DMD: variants seen among roughly 807,000 people sequenced by gnomAD.
The protein encoded by DMD is dystrophin.
In DMD, 63 loss-of-function variants were observed where a neutral mutation model predicts 330.1. That is an observed-to-expected ratio of 0.19 (90% confidence interval 0.16 to 0.24). DMD has a LOEUF of 0.24. Among genes scored for constraint, DMD ranks in the 10% least tolerant of loss-of-function variants. The pLI, the probability that DMD is intolerant of heterozygous loss-of-function variation, is 1.00. For missense variants in DMD, 3,344 were observed against 2,684.1 expected (o/e 1.25, Z -5.43); for synonymous variants, 1,223 against 959.8 (o/e 1.27, Z -5.07).
chrX:32,028,574 T>C (rs756440349), intron 44 of DMD, among the ~76,000 whole-genome samples: 4 of 111,853 alleles, frequency 3.6e-5, no homozygotes, highest in African/African-American at 1.3e-4. Context: ...CTAAATTCCC[T>C]TAAGAAGGAA....
chrX:31,715,413 C>T (rs1408018427), intron 52 of DMD, among the ~76,000 whole-genome samples: 1 of 104,300 alleles, frequency 9.6e-6, no homozygotes, highest in African/African-American at 3.5e-5. Context: ...CATGGTGGCG[C>T]GCGCCTGTAG....
At chrX:32,600,946 A>T (rs1307323137) in intron 12 of DMD, among the ~76,000 whole-genome samples, 1 of 109,832 alleles carries the variant, frequency 9.1e-6, no homozygotes, top group Non-Finnish European at 1.9e-5. Context: ...ATGTTAATTC[A>T]AGACATCTGG....
intron 60 of DMD, among the ~76,000 whole-genome samples, chrX:31,375,169 C>T (rs916985193): frequency 8.9e-6 from 1 of 112,185 alleles, no homozygotes; most frequent in Admixed American, 9.4e-5. Context: ...TTTCACAAAA[C>T]ATTTTTGCAA....
chrX:32,597,769 C>T (rs991138699), intron 12 of DMD, among the ~76,000 whole-genome samples: 1 of 111,776 alleles, frequency 8.9e-6, no homozygotes, highest in African/African-American at 3.3e-5. Flanking sequence ...TGCTCTAGAA[C>T]CAAGGTATGT....
intron 43 of DMD, among the ~76,000 whole-genome samples, chrX:32,247,345 T>A (rs2097244079): frequency 8.9e-6 from 1 of 111,962 alleles, no homozygotes; most frequent in Admixed American, 9.5e-5. Context: ...ATCTAGAATT[T>A]CTCTTTAAAT....
intron 7 of DMD, among the ~76,000 whole-genome samples, chrX:32,761,826 G>C (rs752660674): frequency 9.0e-6 from 1 of 110,950 alleles, no homozygotes; most frequent in Non-Finnish European, 1.9e-5. Context: ...AGTTTATAAC[G>C]TCTTCTGAAC....
chrX:31,749,177 T>C (rs960753999), intron 51 of DMD, among the ~76,000 whole-genome samples: 1 of 109,419 alleles, frequency 9.1e-6, no homozygotes, highest in East Asian at 2.9e-4. Context: ...AGTTTTAGGG[T>C]ACATGTGCAC....
intron 17 of DMD, among the ~76,000 whole-genome samples, chrX:32,536,560 T>C (rs1345008527): frequency 8.9e-6 from 1 of 112,118 alleles, no homozygotes; most frequent in Non-Finnish European, 1.9e-5. Context: ...TATTAGTCTG[T>C]AAGAAGAAAA....
At chrX:31,462,558 T>C (rs181304647) in intron 59 of DMD, among the ~76,000 whole-genome samples, 33 of 111,837 alleles carry the variant, frequency 3.0e-4, no homozygotes, top group African/African-American at 1.0e-3. Context: ...AGACACAATG[T>C]GAGGTTTCAC....
intron 51 of DMD, among the ~76,000 whole-genome samples, chrX:31,739,960 A>G (rs2087192400): frequency 9.1e-6 from 1 of 109,580 alleles, no homozygotes; most frequent in Non-Finnish European, 1.9e-5. Context: ...CTGTGTTGAA[A>G]AAAAGATTAA....
At chrX:31,485,221 G>A (rs1214018265) in intron 57 of DMD, among the ~76,000 whole-genome samples, 1 of 112,162 alleles carries the variant, frequency 8.9e-6, no homozygotes, top group East Asian at 2.8e-4. Context: ...TTGAGACGGA[G>A]TCTCGCTCTG....
intron 7 of DMD, among the ~76,000 whole-genome samples, chrX:32,787,792 T>A (rs1196383741): frequency 1.9e-5 from 2 of 105,388 alleles, no homozygotes; most frequent in Non-Finnish European, 3.9e-5. Flanking sequence ...AAGGGAGGAC[T>A]CCTGTATTTA....
At chrX:31,919,173 A>G (rs896554994) in intron 47 of DMD, among the ~76,000 whole-genome samples, 5 of 111,924 alleles carry the variant, frequency 4.5e-5, no homozygotes, top group African/African-American at 1.6e-4. Flanking sequence ...ACTGATGAAA[A>G]TAAAACAATA....
At chrX:31,261,803 A>G (rs750649380) in intron 62 of DMD, 2 of 112,306 alleles carry the variant, frequency 1.8e-5, no homozygotes, top group Admixed American at 1.9e-4. Flanking sequence ...ATAACTACAT[A>G]TACTTTTCCT....
intron 54 of DMD, among the ~76,000 whole-genome samples, chrX:31,641,267 C>G (rs754965196): frequency 1.2e-3 from 131 of 110,967 alleles, no homozygotes; most frequent in African/African-American, 4.2e-3. Flanking sequence ...TTTGGGAGGC[C>G]AAGGTGGGTG....
chrX:33,315,612 G>A (rs2053921807), intron 1 of DMD, among the ~76,000 whole-genome samples: 1 of 112,289 alleles, frequency 8.9e-6, no homozygotes, highest in African/African-American at 3.2e-5. Flanking sequence ...CCTGAACCCG[G>A]TTGTATGCAA....
intron 17 of DMD, among the ~76,000 whole-genome samples, chrX:32,537,417 T>G (rs918417181): frequency 1.8e-5 from 2 of 111,131 alleles, no homozygotes; most frequent in African/African-American, 6.6e-5. Flanking sequence ...AGACTGACAT[T>G]AAAGGGCAGG....
chrX:33,204,594 C>CGT (rs768680675), intron 1 of DMD, among the ~76,000 whole-genome samples: 14 of 111,380 alleles, frequency 1.3e-4, no homozygotes, highest in East Asian at 1.1e-3. Flanking sequence ...AAGTAGTTTG[C>CGT]GTGTGTGTGT....
rs1297167308 is a variant in DMD at position 31,560,435 on chromosome X, C to A, written c.8218-52982G>T. ...AGAAAAGACATTATGTCTGAGTTAT[C>A]ATACCTTGGCTAAGGTAGTACCAAG... On this transcript the variant is annotated intron_variant, in intron 55 of 78. Transcript: ENST00000357033. 5.4e-5 allele frequency among the ~76,000 whole-genome samples: 6 copies of A among 112,094 alleles called. No individual in the cohort carries two copies. The East Asian group carries it at 1.7e-3, about 31-fold the overall frequency.
Sources: allele counts gnomAD v4.1 joint callset (sites outside exome capture counted in the v4.1 genomes callset), GRCh38; gene constraint gnomAD v4.1.1; transcripts MANE v1.5; gene names NCBI Gene and HGNC (gene_info 2026-07-23, HGNC 2026-07-21).